Variants in ADGRG4 observed in about 807,000 individuals in gnomAD.
ADGRG4 encodes the protein G protein-coupled receptor 112.
A neutral mutation model predicts 126.2 loss-of-function variants in ADGRG4; 122 were observed. That is an observed-to-expected ratio of 0.97 (90% CI 0.83 to 1.12). ADGRG4 has a LOEUF of 1.12. Among genes scored for constraint, ADGRG4 ranks in the 50% most tolerant of loss-of-function variants. The probability of loss-of-function intolerance (pLI) is 0.00; values close to 1 mark genes in which losing one functional copy is unlikely to be tolerated. For missense variants in ADGRG4, 2,481 were observed against 2,251.8 expected, an observed-to-expected ratio of 1.10 and a Z score of -2.06; for synonymous variants, 943 against 838.7, an observed-to-expected ratio of 1.12 and a Z score of -2.15.
intron 20 of ADGRG4, 99 bp from the exon 21 acceptor site, chrX:136,399,749 C>A (rs2075369653): frequency 5.4e-6 from 4 of 741,817 alleles, no homozygotes; most frequent in African/African-American, 2.2e-5. Flanking sequence ...ATGAGTAATT[C>A]TTTTATTCTT....
At chrX:136,308,189 C>T (rs750770942) in intron 3 of ADGRG4, among the ~76,000 whole-genome samples, 3 of 112,744 alleles carry the variant, frequency 2.7e-5, no homozygotes, top group South Asian at 7.2e-4. Context: ...CTGCAACCTC[C>T]GCCTCCCAGG....
chrX:136,353,576 T>C (rs1425765435), intron 8 of ADGRG4, among the ~76,000 whole-genome samples, 175 bp downstream of exon 8: 1 of 111,427 alleles, frequency 9.0e-6, no homozygotes, highest in Non-Finnish European at 1.9e-5. Context: ...ATTGTATTAC[T>C]ATTGTAGGGC....
chrX:136,386,228 T>C (rs1368042657), intron 15 of ADGRG4, among the ~76,000 whole-genome samples: 1 of 112,056 alleles, frequency 8.9e-6, no homozygotes, highest in East Asian at 2.8e-4. Flanking sequence ...GAGTTGAGTT[T>C]ATTAGGAGCT....
chrX:136,301,491 T>C (rs887289789), intron 1 of ADGRG4, among the ~76,000 whole-genome samples: 51 of 111,894 alleles, frequency 4.6e-4, no homozygotes, highest in Middle Eastern at 4.6e-3. Flanking sequence ...ATATTAGCCC[T>C]TTGTCAGATG....
At chrX:136,367,900 T>G (rs908971296) in intron 13 of ADGRG4, among the ~76,000 whole-genome samples, 4 of 112,352 alleles carry the variant, frequency 3.6e-5, no homozygotes, top group Non-Finnish European at 7.5e-5. Flanking sequence ...TCAAAGTTCT[T>G]TGGGTTCTCT....
chrX:136,378,481 T>G (rs1372900742), intron 15 of ADGRG4, among the ~76,000 whole-genome samples: 1 of 111,304 alleles, frequency 9.0e-6, no homozygotes, highest in Non-Finnish European at 1.9e-5. Context: ...CTTTTATTTC[T>G]TTTTGGGGGC....
At chrX:136,405,315 G>T (rs2075399211) in intron 22 of ADGRG4, among the ~76,000 whole-genome samples, 1 of 107,769 alleles carries the variant, frequency 9.3e-6, no homozygotes, top group African/African-American at 3.4e-5. Context: ...TGGCGGGGGG[G>T]CAGGGCGTGC....
At chrX:136,329,830 C>T (rs2074897642) in intron 5 of ADGRG4, among the ~76,000 whole-genome samples, 1 of 110,326 alleles carries the variant, frequency 9.1e-6, no homozygotes, top group Non-Finnish European at 1.9e-5. Context: ...AGATGTGTAC[C>T]ACCACACCTG....
rs752990012 is a variant in ADGRG4 at position 136,396,764 on chromosome X, A to G, written c.8185-1117A>G. On this transcript the variant is annotated intron_variant, in intron 19 of 25. Coordinates refer to ENST00000394143, the MANE Select transcript of ADGRG4 (RefSeq NM_153834.4). ...ACCAGGGTTTCTCAATCTTGGCACT[A>G]TAGATATTCTGGCCAAATAGTTCTG... 3.0e-3 allele frequency among the ~76,000 whole-genome samples: 318 copies of G among 106,352 alleles called. 1 individual carries two copies. Among genetic ancestry groups the G allele is most frequent in the African/African-American group, 0.01 (298 of 28,996 alleles). 92.4% of individuals were successfully genotyped at this position (106,352 alleles called of 115,157 possible).
chrX:136,308,886 A>G (rs1405328337), intron 4 of ADGRG4, 39 bp downstream of exon 4: 1 of 797,820 alleles, frequency 1.3e-6, no homozygotes, highest in Non-Finnish European at 1.9e-6. Context: ...TCAATGTCTC[A>G]TGTATAGTAG....
intron 4 of ADGRG4, among the ~76,000 whole-genome samples, chrX:136,319,622 C>A (rs1034621522): frequency 7.2e-5 from 8 of 111,173 alleles, no homozygotes; most frequent in Non-Finnish European, 1.5e-4. Context: ...TTTTAGACTT[C>A]ACTATACCAC....
chrX:136,324,987 G>C (rs990062256), intron 5 of ADGRG4, among the ~76,000 whole-genome samples: 13 of 111,795 alleles, frequency 1.2e-4, no homozygotes, highest in African/African-American at 4.2e-4. Context: ...GTCTCCTCTC[G>C]AGTTTGGGGA....
chrX:136,388,183 G>A (rs973138995), intron 16 of ADGRG4, among the ~76,000 whole-genome samples: 9 of 111,992 alleles, frequency 8.0e-5, no homozygotes, highest in South Asian at 3.7e-4. Context: ...ATGATGTTTC[G>A]GCTTATCAGT....
chrX:136,344,433 G>A lies in ADGRG4; in HGVS notation c.727G>A (p.Val243Ile). The change falls in exon 6 of 26, where the codon GTT becomes ATT. Residue 243 changes from valine to isoleucine, a missense_variant. Transcript: ENST00000394143. Reference protein sequence around the residue: ...NMTIQEKSTTVSQQIDMTTPS... With the variant: ...NMTIQEKSTTISQQIDMTTPS... ...GACAATTCAAGAAAAAAGTACAACTGTTTCACAACAGATAGATATGACCAC... is the reference window on the plus strand; with the variant it reads ...GACAATTCAAGAAAAAAGTACAACTATTTCACAACAGATAGATATGACCAC... 1.7e-6 allele frequency: 2 copies of A among 1,180,017 alleles called. No individual in the cohort carries two copies. The highest frequency in any genetic ancestry group is 2.3e-6 in the Non-Finnish European group (2 of 877,100).
chrX:136,391,964 C>A (rs972525171), intron 16 of ADGRG4, among the ~76,000 whole-genome samples: 1 of 112,360 alleles, frequency 8.9e-6, no homozygotes, highest in East Asian at 2.8e-4. Flanking sequence ...TAGTGCAGTA[C>A]TGAGTAGCAG....
chrX:136,341,364 A>G (rs1201794918), intron 5 of ADGRG4, among the ~76,000 whole-genome samples: 2 of 112,504 alleles, frequency 1.8e-5, no homozygotes, highest in Non-Finnish European at 3.8e-5. Context: ...AGGAGAGGGA[A>G]TTGTGAACTC....
intron 25 of ADGRG4, among the ~76,000 whole-genome samples, chrX:136,416,188 C>G (rs1347092829): frequency 1.8e-5 from 2 of 111,916 alleles, no homozygotes; most frequent in Non-Finnish European, 3.8e-5. Context: ...TAAATATCCT[C>G]TCCTAGGTTA....
intron 1 of ADGRG4, among the ~76,000 whole-genome samples, chrX:136,301,842 C>A (rs1250872650): frequency 8.9e-6 from 1 of 111,892 alleles, no homozygotes; most frequent in African/African-American, 3.3e-5. Context: ...ATAGGGAATC[C>A]TTTCCCCATT....
At chrX:136,406,023 G>A in intron 23 of ADGRG4, 51 bp downstream of exon 23, 1 of 1,041,786 alleles carries the variant, frequency 9.6e-7, no homozygotes, top group South Asian at 2.6e-5. Context: ...ATGCAGCAAA[G>A]CTTTTGTTGC....
Sources: allele counts gnomAD v4.1 joint callset (sites outside exome capture counted in the v4.1 genomes callset), GRCh38; gene constraint gnomAD v4.1.1; transcripts MANE v1.5; gene names NCBI Gene and HGNC (gene_info 2026-07-23, HGNC 2026-07-21).